CACNA1E: variants seen among roughly 807,000 people sequenced by gnomAD.
The protein encoded by CACNA1E is calcium voltage-gated channel subunit alpha1 E.
CACNA1E carries 40 observed loss-of-function variants against 259.2 expected under a neutral mutation model. That is an observed-to-expected ratio of 0.15 (90% CI 0.12 to 0.20). The LOEUF is 0.20. Among genes scored for constraint, CACNA1E ranks in the 10% least tolerant of loss-of-function variants. The pLI is 1.00. For missense variants in CACNA1E, 1,874 were observed against 3,040.1 expected (o/e 0.62, Z 9.02); for synonymous variants, 1,104 against 1,138.5 (o/e 0.97, Z 0.61).
intron 6 of CACNA1E, among the ~76,000 whole-genome samples, chr1:181,633,975 C>G (rs1027023259): frequency 6.6e-6 from 1 of 152,178 alleles, no homozygotes; most frequent in African/African-American, 2.4e-5. Context: ...ACAGAGATAA[C>G]CTGTCCAGGT....
At chr1:181,537,727 T>C (rs2102764629) in intron 3 of CACNA1E, among the ~76,000 whole-genome samples, 2 of 152,332 alleles carry the variant, frequency 1.3e-5, no homozygotes, top group South Asian at 4.1e-4. Flanking sequence ...TTGGAGTGTA[T>C]GTCAGGCACT....
At chr1:181,724,063 C>T (rs970352212) in intron 16 of CACNA1E, among the ~76,000 whole-genome samples, 2 of 152,176 alleles carry the variant, frequency 1.3e-5, no homozygotes, top group Admixed American at 6.5e-5. Flanking sequence ...GGTTTGGTGA[C>T]CAGCCCCCAT....
intron 6 of CACNA1E, among the ~76,000 whole-genome samples, chr1:181,623,575 T>A (rs1390920543): frequency 3.9e-5 from 6 of 152,208 alleles, no homozygotes; most frequent in Non-Finnish European, 8.8e-5. Context: ...TGGGCATACC[T>A]TGGAGATATT....
chr1:181,335,889 C>A (rs149790187), intron 1 of CACNA1E, among the ~76,000 whole-genome samples: 2 of 152,184 alleles, frequency 1.3e-5, no homozygotes, highest in African/African-American at 2.4e-5. Context: ...TTGGCCCCCA[C>A]CCTAGAGCAC....
intron 6 of CACNA1E, among the ~76,000 whole-genome samples, chr1:181,596,476 TG>T (rs1440311265): frequency 1.3e-5 from 2 of 150,552 alleles, no homozygotes; most frequent in Non-Finnish European, 3.0e-5. Flanking sequence ...AGAACGTCGT[TG>T]GGGCATTTTA....
At chr1:181,685,426 C>G (rs1466512576) in intron 7 of CACNA1E, among the ~76,000 whole-genome samples, 5 of 152,122 alleles carry the variant, frequency 3.3e-5, no homozygotes, top group Non-Finnish European at 4.4e-5. Context: ...TGTGGTCTAT[C>G]TTCTGCCAGT....
chr1:181,748,587 G>A (rs1657320151), intron 25 of CACNA1E, among the ~76,000 whole-genome samples: 2 of 152,062 alleles, frequency 1.3e-5, no homozygotes. Context: ...TAGATCACCT[G>A]CCCATATATT....
intron 2 of CACNA1E, among the ~76,000 whole-genome samples, chr1:181,423,584 C>T (rs1658922936): frequency 6.6e-6 from 1 of 151,984 alleles, no homozygotes. Context: ...CCGCATTCAG[C>T]ATCAGCAACA....
chr1:181,336,362 C>A (rs945586399), intron 1 of CACNA1E, among the ~76,000 whole-genome samples: 2 of 152,092 alleles, frequency 1.3e-5, no homozygotes, highest in African/African-American at 4.8e-5. Context: ...ATACGTGCCT[C>A]AAAACAACTC....
chr1:181,555,286 C>G (rs1006156566), intron 3 of CACNA1E, among the ~76,000 whole-genome samples: 1 of 152,170 alleles, frequency 6.6e-6, no homozygotes, highest in Non-Finnish European at 1.5e-5. Flanking sequence ...CTGAGTTGTG[C>G]TTGAGGTGGA....
chr1:181,673,957 AT>A (rs1649082473), intron 7 of CACNA1E, among the ~76,000 whole-genome samples: 1 of 152,026 alleles, frequency 6.6e-6, no homozygotes, highest in Non-Finnish European at 1.5e-5. Flanking sequence ...TGTTCCCGTT[AT>A]TATTGTTCAG....
chr1:181,691,978 A>G (rs1033002503), intron 7 of CACNA1E, among the ~76,000 whole-genome samples: 5 of 152,192 alleles, frequency 3.3e-5, no homozygotes, highest in African/African-American at 9.6e-5. Context: ...GTTTCAGGAT[A>G]CAAAATCCAT....
At chr1:181,497,976 G>T (rs7532402) in intron 1 of CACNA1E, among the ~76,000 whole-genome samples, 3 of 151,950 alleles carry the variant, frequency 2.0e-5, no homozygotes, top group Admixed American at 6.6e-5. Context: ...TCTTTCCCCC[G>T]CCAAAACTCC....
intron 1 of CACNA1E, among the ~76,000 whole-genome samples, chr1:181,367,311 T>G (rs1571680859): frequency 6.6e-6 from 1 of 152,124 alleles, no homozygotes; most frequent in African/African-American, 2.4e-5. Flanking sequence ...CCGTCTCATC[T>G]CTCCTTTCAA....
chr1:181,413,949 A>T (rs1658073196), intron 2 of CACNA1E, among the ~76,000 whole-genome samples: 1 of 152,180 alleles, frequency 6.6e-6, no homozygotes, highest in South Asian at 2.1e-4. Context: ...CATCTATTTC[A>T]TCTTTACTTC....
chr1:181,709,187 C>T (rs182673232), intron 7 of CACNA1E, among the ~76,000 whole-genome samples: 1 of 152,174 alleles, frequency 6.6e-6, no homozygotes, highest in Non-Finnish European at 1.5e-5. Flanking sequence ...ACCAAGCCAG[C>T]CCCTTGTTAC....
At chr1:181,663,264 C>G (rs576784335) in intron 7 of CACNA1E, among the ~76,000 whole-genome samples, 1 of 152,240 alleles carries the variant, frequency 6.6e-6, no homozygotes, top group South Asian at 2.1e-4. Context: ...TTGTAACAGC[C>G]TTATGAGGCA....
rs140702441 is a variant in CACNA1E, at chr1:181,631,488, C to T, written c.952-19850C>T. 1.6e-3 allele frequency among the ~76,000 whole-genome samples: 251 copies of T among 152,284 alleles called. 2 individuals are homozygous for T. The highest frequency in any genetic ancestry group is 3.0e-3 in the Non-Finnish European group (207 of 68,028). On this transcript the variant is annotated intron_variant, in intron 6 of 47. Transcript: ENST00000367573. ...GGTGTCCTCTCACAGTGTGCTCCCC[C>T]AGCATCGTGCTCTGAGCATAGGTGG...
chr1:181,680,952 C>G (rs1287673910), intron 7 of CACNA1E, among the ~76,000 whole-genome samples: 1 of 152,230 alleles, frequency 6.6e-6, no homozygotes, highest in Non-Finnish European at 1.5e-5. Context: ...CATTGTCTGC[C>G]AATGCTACCT....
Sources: gnomAD v4.1 joint callset for allele counts (sites outside exome capture counted in the v4.1 genomes callset) on GRCh38, gnomAD v4.1.1 for gene constraint, MANE v1.5 for transcripts, NCBI Gene and HGNC (gene_info 2026-07-23, HGNC 2026-07-21) for gene names.